AXDND1: variants seen among roughly 807,000 people sequenced by gnomAD.
AXDND1 encodes axonemal dynein light chain domain containing 1, also known as axonemal dynein light chain domain-containing protein 1.
Under a neutral mutation model 137.5 loss-of-function variants are expected in AXDND1, and 110 were observed. The observed-to-expected ratio is 0.80, with a 90% CI of 0.69 to 0.94. AXDND1 has a LOEUF of 0.94. Among genes scored for constraint, AXDND1 ranks in the 40% least tolerant of loss-of-function variants. The pLI is 0.00. For missense variants in AXDND1, 1,191 were observed against 1,169.8 expected (o/e 1.02, Z -0.26); for synonymous variants, 414 against 399.7 (o/e 1.04, Z -0.43).
intron 17 of AXDND1, among the ~76,000 whole-genome samples, chr1:179,477,133 T>C (rs1664735421): frequency 6.6e-6 from 1 of 152,172 alleles, no homozygotes; most frequent in African/African-American, 2.4e-5. Flanking sequence ...GCCCTAGTAG[T>C]GATTTTAAAT....
At chr1:179,411,423 C>T (rs1485809103) in intron 12 of AXDND1, among the ~76,000 whole-genome samples, 157 bp downstream of exon 12, 3 of 152,182 alleles carry the variant, frequency 2.0e-5, no homozygotes, top group African/African-American at 7.2e-5. Flanking sequence ...CGGCTCACTG[C>T]AACCTCTGAC....
chr1:179,424,644 G>T (rs1195269067), intron 12 of AXDND1, among the ~76,000 whole-genome samples: 1 of 151,852 alleles, frequency 6.6e-6, no homozygotes, highest in African/African-American at 2.4e-5. Flanking sequence ...TAGCCAGACT[G>T]GTCTCAAACT....
chr1:179,450,358 C>T (rs1005674846), intron 16 of AXDND1: 1 of 152,110 alleles, frequency 6.6e-6, no homozygotes, highest in Non-Finnish European at 1.5e-5. Context: ...GCAAGAACCT[C>T]CAGTACAATG....
At chr1:179,501,571 G>T (rs980233193) in intron 20 of AXDND1, among the ~76,000 whole-genome samples, 2 of 152,136 alleles carry the variant, frequency 1.3e-5, no homozygotes, top group Non-Finnish European at 2.9e-5. Flanking sequence ...AATTAGCCAG[G>T]TGTGGTGGTG....
intron 17 of AXDND1, among the ~76,000 whole-genome samples, chr1:179,480,725 C>A (rs1218230640): frequency 1.3e-5 from 2 of 151,604 alleles, no homozygotes; most frequent in South Asian, 2.1e-4. Context: ...TTGGTTGCTA[C>A]CCCCCTCTTC....
chr1:179,553,916 T>G (rs1326278825), intron 25 of AXDND1, among the ~76,000 whole-genome samples: 1 of 149,712 alleles, frequency 6.7e-6, no homozygotes, highest in Non-Finnish European at 1.5e-5. Context: ...TGGCTAATTT[T>G]TTTTTTTTTT....
intron 20 of AXDND1, chr1:179,506,975 A>G (rs897535253): frequency 8.0e-6 from 7 of 874,124 alleles, no homozygotes; most frequent in East Asian, 1.2e-4. Flanking sequence ...TCTGTGGATC[A>G]TGGATTCTTA....
chr1:179,539,126 G>A (rs1163219772), intron 25 of AXDND1, among the ~76,000 whole-genome samples: 2 of 152,076 alleles, frequency 1.3e-5, no homozygotes, highest in Non-Finnish European at 2.9e-5. Context: ...ACACTGATGG[G>A]TCTTGACTCT....
At chr1:179,486,119 C>CAAAAAAAAAAAAAA (rs1173009992) in intron 18 of AXDND1, among the ~76,000 whole-genome samples, 6 of 22,660 alleles carry the variant, frequency 2.6e-4, no homozygotes, top group Admixed American at 6.0e-4. Context: ...AACTCTGTCT[C>CAAAAAAAAAAAAAA]AAAAAAAAAA....
At chr1:179,469,724 G>A (rs1378635067) in intron 17 of AXDND1, among the ~76,000 whole-genome samples, 1 of 152,184 alleles carries the variant, frequency 6.6e-6, no homozygotes, top group Non-Finnish European at 1.5e-5. Context: ...CTATAATAGA[G>A]GGACTGAAGT....
At chr1:179,484,178 C>T (rs990768928) in intron 18 of AXDND1, among the ~76,000 whole-genome samples, 4 of 152,182 alleles carry the variant, frequency 2.6e-5, no homozygotes, top group Non-Finnish European at 5.9e-5. Flanking sequence ...GGAATTCAGA[C>T]AGCAGGATAT....
intron 12 of AXDND1, among the ~76,000 whole-genome samples, chr1:179,426,418 A>G (rs555581531): frequency 5.8e-4 from 89 of 152,350 alleles, no homozygotes; most frequent in Non-Finnish European, 9.1e-4. Context: ...CAGAATAATT[A>G]GATAACATTT....
chr1:179,533,863 G>A lies in AXDND1; in HGVS notation c.2784G>A (p.Met928Ile). The A allele has an allele frequency of 1.2e-6, 2 of 1,612,858 alleles. No individual in the cohort carries two copies. Among genetic ancestry groups the A allele is most frequent in the South Asian group, 1.1e-5 (1 of 91,018 alleles). The change falls in exon 24 of 26, where the codon ATG becomes ATA. Residue 928 changes from methionine (M) to isoleucine (I), a missense_variant. By Grantham distance (10) the Met-to-Ile change is conservative. Coordinates refer to ENST00000367618, the MANE Select transcript of AXDND1 (RefSeq NM_144696.6). Reference sequence around the variant, plus strand: ...AAGCAATGGCTGTAATTGAACATATGCAGGAGAAGTTACTGTAAGTATGAG... The same window carrying A: ...AAGCAATGGCTGTAATTGAACATATACAGGAGAAGTTACTGTAAGTATGAG... ...YLEAMAVIEH[M>I]QEKLLEVENR...
intron 16 of AXDND1, among the ~76,000 whole-genome samples, chr1:179,467,593 A>G (rs1181538154): frequency 1.3e-5 from 2 of 152,210 alleles, no homozygotes; most frequent in South Asian, 2.1e-4. Context: ...GGATTTTGGT[A>G]TCCATGGGGG....
intron 15 of AXDND1, among the ~76,000 whole-genome samples, chr1:179,438,171 A>AATAAATAAATAAATAC (rs1553271454): frequency 0.015 from 2,288 of 151,412 alleles, 47 homozygotes; most frequent in African/African-American, 0.051. Flanking sequence ...TAAATAAATA[A>AATAAATAAATAAATAC]ATAAATAAAT....
chr1:179,426,487 A>G (rs1043532222), intron 12 of AXDND1, among the ~76,000 whole-genome samples: 1 of 146,984 alleles, frequency 6.8e-6, no homozygotes, highest in African/African-American at 2.7e-5. Flanking sequence ...TGCATGTACT[A>G]TTGATGGGCA....
intron 2 of AXDND1, 145 bp downstream of exon 2, chr1:179,366,751 G>A: frequency 1.5e-6 from 1 of 660,318 alleles, no homozygotes; most frequent in Non-Finnish European, 2.6e-6. Flanking sequence ...AAAGCAAGAA[G>A]TCATTCCTTT....
chr1:179,552,669 C>T lies in AXDND1; in HGVS notation c.3032-1843C>T, dbSNP rs770495227. Reference sequence around the variant, plus strand: ...GTGAGTGCTGAAGCCCAGCTGGCAACCTCACATCTTTACTGAAAAAGAAAG... The same window carrying T: ...GTGAGTGCTGAAGCCCAGCTGGCAATCTCACATCTTTACTGAAAAAGAAAG... On this transcript the variant is annotated intron_variant, in intron 25 of 25. Transcript: ENST00000367618. 6.2e-7 allele frequency: 1 copy of T among 1,613,862 alleles called. No homozygotes were observed. Among genetic ancestry groups the T allele is most frequent in the Non-Finnish European group, 8.5e-7 (1 of 1,179,864 alleles).
At chr1:179,442,050 A>C (rs957333763) in intron 15 of AXDND1, among the ~76,000 whole-genome samples, 1 of 152,192 alleles carries the variant, frequency 6.6e-6, no homozygotes, top group Admixed American at 6.5e-5. Flanking sequence ...GAGTGTGTTC[A>C]TGAATAACCT....
Sources: allele counts gnomAD v4.1 joint callset (sites outside exome capture counted in the v4.1 genomes callset), GRCh38; gene constraint gnomAD v4.1.1; transcripts MANE v1.5; gene names NCBI Gene and HGNC (gene_info 2026-07-23, HGNC 2026-07-21).